The following RALGPS1 variants were observed in gnomAD, a reference collection of about 807,000 sequenced individuals.
The protein encoded by RALGPS1 is Ral GEF with PH domain and SH3 binding motif 1, also known as ras-specific guanine nucleotide-releasing factor RalGPS1.
A neutral mutation model predicts 78.8 loss-of-function variants in RALGPS1; 19 were observed. That is an observed-to-expected ratio of 0.24 (90% CI 0.17 to 0.35). The LOEUF (loss-of-function observed/expected upper bound fraction) is 0.35. Among genes scored for constraint, RALGPS1 ranks in the 10% least tolerant of loss-of-function variants. The pLI, the probability that RALGPS1 is intolerant of heterozygous loss-of-function variation, is 1.00. For synonymous variants in RALGPS1, 228 were observed against 256.3 expected (o/e 0.89, Z 1.06); for missense variants, 454 against 688.3 (o/e 0.66, Z 3.81).
In RALGPS1 at chr9:127,196,428, C is replaced by T. The variant is rs2061351280; in HGVS notation, c.1038-46C>T. ...CCAGGCAGGTGTAACCACTGTCACTCCATAGATAAGGAGCTTTGCCTTCTT... is the reference window on the plus strand; with the variant it reads ...CCAGGCAGGTGTAACCACTGTCACTTCATAGATAAGGAGCTTTGCCTTCTT... On this transcript the variant is annotated intron_variant, in intron 12 of 18. Coordinates refer to ENST00000259351, the MANE Select transcript of RALGPS1 (RefSeq NM_014636.3). The T allele has an allele frequency of 6.3e-6, 10 of 1,579,654 alleles. No homozygotes were observed. In the East Asian group the frequency reaches 2.2e-4, roughly 35 times the overall value.
intron 11 of RALGPS1, among the ~76,000 whole-genome samples, chr9:127,192,554 C>T (rs530926995): frequency 6.6e-6 from 1 of 152,228 alleles, no homozygotes; most frequent in Admixed American, 6.5e-5. Context: ...GGAGGCTGAG[C>T]TGACAGGGTT....
chr9:127,179,548 A>T (rs867098628), intron 11 of RALGPS1, among the ~76,000 whole-genome samples: 1 of 152,234 alleles, frequency 6.6e-6, no homozygotes, highest in African/African-American at 2.4e-5. Flanking sequence ...CAGTAGGCAC[A>T]TCCCCCACAC....
At chr9:127,197,894 C>T (rs944154576) in intron 13 of RALGPS1, among the ~76,000 whole-genome samples, 1 of 152,152 alleles carries the variant, frequency 6.6e-6, no homozygotes, top group African/African-American at 2.4e-5. Flanking sequence ...GTCATGGGAC[C>T]CTCTTCCTTG....
chr9:127,209,727 C>T (rs2130866335), intron 14 of RALGPS1, among the ~76,000 whole-genome samples: 1 of 152,250 alleles, frequency 6.6e-6, no homozygotes, highest in East Asian at 1.9e-4. Flanking sequence ...GAGCTCCTTC[C>T]TGGGAGGAGG....
At chr9:127,210,308 G>A (rs980995207) in intron 14 of RALGPS1, among the ~76,000 whole-genome samples, 2 of 152,216 alleles carry the variant, frequency 1.3e-5, no homozygotes, top group African/African-American at 2.4e-5. Context: ...CCACAATTCT[G>A]TGTGCACTTT....
At chr9:127,159,462 G>A (rs1339419723) in intron 8 of RALGPS1, among the ~76,000 whole-genome samples, 1 of 152,202 alleles carries the variant, frequency 6.6e-6, no homozygotes, top group Non-Finnish European at 1.5e-5. Context: ...CATCCAGAAA[G>A]CGTGGCCTCT....
intron 1 of RALGPS1, among the ~76,000 whole-genome samples, chr9:126,944,512 T>G (rs2037076515): frequency 6.6e-6 from 1 of 151,436 alleles, no homozygotes; most frequent in Admixed American, 6.6e-5. Context: ...CCATAATGGT[T>G]TTTCACAGGA....
rs528894798 is a variant in RALGPS1 at position 126,976,433 on chromosome 9, C to T, written c.166-1262C>T. ...CACACCATATACTCACACACACACACACACACTCAGATACACACACATAAA... is the reference window on the plus strand; with the variant it reads ...CACACCATATACTCACACACACACATACACACTCAGATACACACACATAAA... On this transcript the variant is annotated intron_variant, in intron 3 of 18. Coordinates refer to ENST00000259351, the MANE Select transcript of RALGPS1 (RefSeq NM_014636.3). Among the ~76,000 whole-genome samples the T allele has an allele frequency of 2.0e-5, 3 of 152,164 alleles. No homozygotes were observed. The East Asian group carries it at 5.8e-4, about 29-fold the overall frequency.
chr9:127,092,050 G>A, intron 8 of RALGPS1: 1 of 1,364,158 alleles, frequency 7.3e-7, no homozygotes. Context: ...AACAAGCAGA[G>A]CATGAAGCAG....
intron 8 of RALGPS1, among the ~76,000 whole-genome samples, chr9:127,086,116 G>A (rs780296373): frequency 1.3e-5 from 2 of 152,142 alleles, no homozygotes; most frequent in East Asian, 3.9e-4. Flanking sequence ...ATGCACACGC[G>A]CACACGGACA....
chr9:126,997,246 C>CCT (rs749294540), intron 4 of RALGPS1, among the ~76,000 whole-genome samples: 4 of 152,068 alleles, frequency 2.6e-5, no homozygotes, highest in African/African-American at 9.7e-5. Context: ...TCAGATTGTC[C>CCT]GTTTGCAGAT....
At chr9:127,059,476 A>T (rs1005691071) in intron 7 of RALGPS1, among the ~76,000 whole-genome samples, 18 of 152,310 alleles carry the variant, frequency 1.2e-4, no homozygotes, top group African/African-American at 4.3e-4. Context: ...GACACTGTTC[A>T]TAACTCCCTT....
At chr9:126,956,947 T>G (rs1434426157) in intron 1 of RALGPS1, among the ~76,000 whole-genome samples, 1 of 152,192 alleles carries the variant, frequency 6.6e-6, no homozygotes, top group Non-Finnish European at 1.5e-5. Context: ...TCAGGGATGA[T>G]GAAGAGCCCA....
At chr9:127,121,319 T>C (rs1432633711) in intron 8 of RALGPS1, among the ~76,000 whole-genome samples, 1 of 152,158 alleles carries the variant, frequency 6.6e-6, no homozygotes. Flanking sequence ...GGCTAGTAGG[T>C]AGAAGAGCTG....
At chr9:127,138,771 G>A (rs889371693) in intron 8 of RALGPS1, among the ~76,000 whole-genome samples, 5 of 152,052 alleles carry the variant, frequency 3.3e-5, no homozygotes, top group East Asian at 3.9e-4. Flanking sequence ...AGAGAGCTGC[G>A]TGAGGACTCC....
At chr9:126,927,715 ATC>A (rs1171725536) in intron 1 of RALGPS1, among the ~76,000 whole-genome samples, 5 of 152,064 alleles carry the variant, frequency 3.3e-5, no homozygotes, top group African/African-American at 1.2e-4. Context: ...CGGGACTAAA[ATC>A]TCTATCCGCT....
At chr9:127,035,412 C>T (rs898266752) in intron 5 of RALGPS1, among the ~76,000 whole-genome samples, 3 of 152,150 alleles carry the variant, frequency 2.0e-5, no homozygotes, top group Non-Finnish European at 2.9e-5. Flanking sequence ...GCCAGACCTG[C>T]GTGATCTTCA....
chr9:127,035,759 A>G (rs976420063), intron 5 of RALGPS1, among the ~76,000 whole-genome samples: 13 of 152,072 alleles, frequency 8.5e-5, no homozygotes, highest in African/African-American at 2.9e-4. Flanking sequence ...ATTTGATGAG[A>G]TATAGTAGGA....
intron 11 of RALGPS1, among the ~76,000 whole-genome samples, chr9:127,187,298 C>A (rs1184452862): frequency 1.3e-5 from 2 of 152,192 alleles, no homozygotes; most frequent in Non-Finnish European, 2.9e-5. Context: ...TTTACTAGAT[C>A]ACTTCAGATA....
Sources: allele counts gnomAD v4.1 joint callset (sites outside exome capture counted in the v4.1 genomes callset), GRCh38; gene constraint gnomAD v4.1.1; transcripts MANE v1.5; gene names NCBI Gene and HGNC (gene_info 2026-07-23, HGNC 2026-07-21).